Variants in OR11A1 observed in about 807,000 individuals in gnomAD.
OR11A1 encodes olfactory receptor 11A1.
For synonymous variants in OR11A1, 158 were observed against 152.2 expected, an observed-to-expected ratio of 1.04 and a Z score of -0.28; for missense variants, 380 against 378.2, an observed-to-expected ratio of 1.00 and a Z score of -0.04.
At chr6:29,443,817 G>A (rs1784444786) in intron 1 of OR11A1, among the ~76,000 whole-genome samples, 1 of 151,950 alleles carries the variant, frequency 6.6e-6, no homozygotes, top group Admixed American at 6.6e-5. Context: ...ATATATTTTT[G>A]AGATATCTAG....
At chr6:29,451,992 T>C (rs1270013366) in intron 1 of OR11A1, among the ~76,000 whole-genome samples, 2 of 152,078 alleles carry the variant, frequency 1.3e-5, no homozygotes, top group African/African-American at 4.8e-5. Context: ...TGGAATACTA[T>C]ACACCCATGA....
chr6:29,455,402 G>C (rs1303906811), intron 1 of OR11A1, among the ~76,000 whole-genome samples: 1 of 152,154 alleles, frequency 6.6e-6, no homozygotes, highest in Non-Finnish European at 1.5e-5. Flanking sequence ...GATGCTCAAT[G>C]ACTTAGTTGT....
At chr6:29,440,183 C>A in intron 1 of OR11A1, 1 of 1,613,776 alleles carries the variant, frequency 6.2e-7, no homozygotes, top group Non-Finnish European at 8.5e-7. Flanking sequence ...CCCTCCAGTC[C>A]CCTATGTACT....
At chr6:29,448,852 G>A (rs1214025968) in intron 1 of OR11A1, among the ~76,000 whole-genome samples, 1 of 152,096 alleles carries the variant, frequency 6.6e-6, no homozygotes, top group Non-Finnish European at 1.5e-5. Context: ...TCCCTTTGAA[G>A]TACTCATGTT....
At position 29,453,423 on chromosome 6, in the gene OR11A1, G is replaced by A. The variant is rs1337462884; in HGVS notation, c.-389+3564C>T. On this transcript the variant is annotated intron_variant, in intron 1 of 4. Transcript: ENST00000377149. This position sits in a 1 kb window ranked among gnomAD's most constrained non-coding sequence, Gnocchi z 4.5. ...TTAGGTAAGAATCATAGGTAACTGTGCCTGTCCTGTGAAAAGTGCTCCAGT... is the reference window on the plus strand; with the variant it reads ...TTAGGTAAGAATCATAGGTAACTGTACCTGTCCTGTGAAAAGTGCTCCAGT... Among the ~76,000 whole-genome samples the A allele has an allele frequency of 6.6e-6, 1 of 152,094 alleles. No individual in the cohort carries two copies. The highest frequency in any genetic ancestry group is 2.4e-5 in the African/African-American group (1 of 41,422).
chr6:29,445,605 C>T (rs1784672042), intron 1 of OR11A1, among the ~76,000 whole-genome samples: 2 of 152,212 alleles, frequency 1.3e-5, no homozygotes, highest in South Asian at 4.1e-4. Context: ...ATCAGCTCCT[C>T]CTGTGGCAGC....
intron 1 of OR11A1, among the ~76,000 whole-genome samples, chr6:29,450,829 C>T (rs1254087575): frequency 6.6e-6 from 1 of 152,184 alleles, no homozygotes; most frequent in Non-Finnish European, 1.5e-5. Context: ...TATTAAACTA[C>T]CCATGACATT....
At position 29,426,658 on chromosome 6, in the gene OR11A1, G is replaced by C. The variant is rs1392207051; in HGVS notation, c.*36C>G. 1.3e-6 allele frequency: 2 copies of C among 1,537,308 alleles called. No homozygotes were observed. Among genetic ancestry groups the C allele is most frequent in the South Asian group, 2.5e-5 (2 of 81,550 alleles). ...TCCTGGAAGAGTCCCCAGTGGAGGT[G>C]TCCGAAGTCCAAAATAACATCTTCA... On this transcript the variant is annotated 3_prime_UTR_variant, in exon 5 of 5. Coordinates refer to ENST00000377149, the MANE Select transcript of OR11A1 (RefSeq NM_001394828.1).
chr6:29,453,925 C>T lies in OR11A1; in HGVS notation c.-389+3062G>A, dbSNP rs1365858652. 6.6e-6 allele frequency among the ~76,000 whole-genome samples: 1 copy of T among 152,030 alleles called. No homozygotes were observed. Among genetic ancestry groups the T allele is most frequent in the African/African-American group, 2.4e-5 (1 of 41,398 alleles). On this transcript the variant is annotated intron_variant, in intron 1 of 4. Coordinates refer to ENST00000377149, the MANE Select transcript of OR11A1 (RefSeq NM_001394828.1). The surrounding 1 kb of genome is among the most constrained non-coding windows in gnomAD (Gnocchi z 4.5). ...CCTTCACCCAATCATTGACTGAACACTAAGCTGTGCAAGAACAAGGGAAAC... is the reference window on the plus strand; with the variant it reads ...CCTTCACCCAATCATTGACTGAACATTAAGCTGTGCAAGAACAAGGGAAAC...
chr6:29,428,278 T>C lies in OR11A1; in HGVS notation c.-91-546A>G, dbSNP rs561166318. On this transcript the variant is annotated intron_variant, in intron 4 of 4. Coordinates refer to ENST00000377149, the MANE Select transcript of OR11A1 (RefSeq NM_001394828.1). ...TTGCCTTCCTTAAATAGTAGTTTCA[T>C]CAAGTCATTCAGGAGTTGGTAGTGA... 1.0e-4 allele frequency: 103 copies of C among 985,404 alleles called. No individual in the cohort carries two copies. The South Asian group carries it at 4.4e-3, about 42-fold the overall frequency. 61.0% of individuals were successfully genotyped at this position (985,404 alleles called of 1,614,324 possible).
At chr6:29,430,266 C>G in intron 3 of OR11A1, 35 bp downstream of exon 3, 2 of 985,106 alleles carry the variant, frequency 2.0e-6, no homozygotes, top group Non-Finnish European at 2.4e-6. Flanking sequence ...TCTGTTATTG[C>G]CCTCCAACTC....
chr6:29,439,566 A>T (rs576621656), intron 1 of OR11A1: 1 of 161,766 alleles, frequency 6.2e-6, no homozygotes, highest in South Asian at 2.0e-4. Flanking sequence ...AGGTGATAAG[A>T]GAGGTCACCT....
chr6:29,431,221 A>G (rs1430036592), intron 2 of OR11A1, among the ~76,000 whole-genome samples: 1 of 152,172 alleles, frequency 6.6e-6, no homozygotes, highest in African/African-American at 2.4e-5. Flanking sequence ...AAAACTGTAC[A>G]TTTTAATTCA....
At chr6:29,447,365 AT>A (rs1784871725) in intron 1 of OR11A1, among the ~76,000 whole-genome samples, 1 of 152,198 alleles carries the variant, frequency 6.6e-6, no homozygotes. Context: ...ACCTATACAC[AT>A]TGGGCTTATC....
intron 1 of OR11A1, among the ~76,000 whole-genome samples, chr6:29,441,576 T>C (rs1230436446): frequency 6.6e-6 from 1 of 152,232 alleles, no homozygotes; most frequent in Non-Finnish European, 1.5e-5. Context: ...GTGAATGATA[T>C]AATCTCTCTG....
chr6:29,450,619 C>T (rs1785261481), intron 1 of OR11A1: 1 of 152,132 alleles, frequency 6.6e-6, no homozygotes, highest in East Asian at 1.9e-4. Flanking sequence ...CACACACACA[C>T]ACACAATACC....
rs1325531950 is a variant in OR11A1 at position 29,453,233 on chromosome 6, C to T, written c.-389+3754G>A. The stretch of plus-strand genomic sequence containing the variant: ...TATATACATTAAAAATAAAATTCAC[C>T]AGATATGGTGAATTAAAGAGGACAG... On this transcript the variant is annotated intron_variant, in intron 1 of 4. Coordinates refer to ENST00000377149, the MANE Select transcript of OR11A1 (RefSeq NM_001394828.1). This position sits in a 1 kb window ranked among gnomAD's most constrained non-coding sequence, Gnocchi z 4.5. Among the ~76,000 whole-genome samples, 4 of 149,628 alleles carry T rather than the reference C, an allele frequency of 2.7e-5. No individual in the cohort carries two copies. The highest frequency in any genetic ancestry group is 5.9e-5 in the Non-Finnish European group (4 of 67,282).
chr6:29,433,964 G>A (rs1204106217), intron 1 of OR11A1, among the ~76,000 whole-genome samples: 4 of 151,996 alleles, frequency 2.6e-5, no homozygotes, highest in East Asian at 1.9e-4. Flanking sequence ...TCATTTGTAC[G>A]TCTTCTTTTG....
At chr6:29,431,802 A>G in intron 2 of OR11A1, 62 bp downstream of exon 2, 4 of 936,172 alleles carry the variant, frequency 4.3e-6, no homozygotes, top group Non-Finnish European at 5.1e-6. Context: ...AAAACCAGCC[A>G]TTTAACTTTT....
Sources: allele counts gnomAD v4.1 joint callset (sites outside exome capture counted in the v4.1 genomes callset), GRCh38; gene constraint gnomAD v4.1.1; non-coding constraint Gnocchi (gnomAD v3.1); transcripts MANE v1.5; gene names NCBI Gene and HGNC (gene_info 2026-07-23, HGNC 2026-07-21).